The following DNER variants were observed in gnomAD, a reference collection of about 807,000 sequenced individuals.
DNER encodes the protein delta and Notch-like epidermal growth factor-related receptor.
In DNER, 33 loss-of-function variants were observed where a neutral mutation model predicts 78.2. That is an observed-to-expected ratio of 0.42 (90% CI 0.32 to 0.56). The LOEUF is 0.56. DNER is among the 20% of genes least tolerant of loss of function. The pLI, the probability that DNER is intolerant of heterozygous loss-of-function variation, is 0.11. For missense variants in DNER, 918 were observed against 975.3 expected, an observed-to-expected ratio of 0.94 and a Z score of 0.78; for synonymous variants, 417 against 384.8, an observed-to-expected ratio of 1.08 and a Z score of -0.98.
At chr2:229,642,312 T>C (rs536769465) in intron 1 of DNER, among the ~76,000 whole-genome samples, 2 of 152,298 alleles carry the variant, frequency 1.3e-5, no homozygotes, top group South Asian at 4.1e-4. Flanking sequence ...ACAATTCACC[T>C]GAGGAAATGC....
chr2:229,423,426 T>A (rs760523247), intron 8 of DNER, among the ~76,000 whole-genome samples: 13 of 151,800 alleles, frequency 8.6e-5, no homozygotes, highest in Non-Finnish European at 1.6e-4. Flanking sequence ...ACCAGCCTGA[T>A]CAACATGGTG....
chr2:229,379,793 C>G (rs920578013), intron 11 of DNER, among the ~76,000 whole-genome samples: 1 of 152,148 alleles, frequency 6.6e-6, no homozygotes, highest in Non-Finnish European at 1.5e-5. Context: ...TCCTGCTGAC[C>G]CAAGTCTGGA....
intron 5 of DNER, among the ~76,000 whole-genome samples, chr2:229,537,814 A>G (rs886536542): frequency 5.9e-5 from 9 of 152,182 alleles, no homozygotes; most frequent in African/African-American, 2.2e-4. Flanking sequence ...TGTGCAGGTT[A>G]GTTACATATG....
intron 1 of DNER, among the ~76,000 whole-genome samples, chr2:229,711,837 T>G (rs1699917363): frequency 6.6e-6 from 1 of 152,178 alleles, no homozygotes; most frequent in South Asian, 2.1e-4. Context: ...AGTTTCTCTC[T>G]CCCTCTCTCC....
At chr2:229,684,698 C>T (rs1457257305) in intron 1 of DNER, among the ~76,000 whole-genome samples, 2 of 152,160 alleles carry the variant, frequency 1.3e-5, no homozygotes, top group African/African-American at 4.8e-5. Context: ...ATTTACCACT[C>T]ATCCAGTGAG....
chr2:229,449,279 A>G lies in DNER; in HGVS notation c.1262-1739T>C, dbSNP rs1694402776. The stretch of plus-strand genomic sequence containing the variant: ...ATACTTAAACATTTTTCAACATATG[A>G]CAGTACTATATGTTACCGTCACTAT... On this transcript the variant is annotated intron_variant, in intron 7 of 12. Transcript: ENST00000341772. Among the ~76,000 whole-genome samples, 3 of 152,342 alleles carry G rather than the reference A, an allele frequency of 2.0e-5. No homozygotes were observed. The South Asian group carries it at 6.2e-4, about 32-fold the overall frequency.
chr2:229,655,619 T>C lies in DNER; in HGVS notation c.276+58529A>G, dbSNP rs149606456. On this transcript the variant is annotated intron_variant, in intron 1 of 12. Transcript: ENST00000341772. Reference sequence around the variant, plus strand: ...TACATAAAAGAAACTAAGAGATGTATTAAGAGTAGACTGAACGGTGACCAC... The same window carrying C: ...TACATAAAAGAAACTAAGAGATGTACTAAGAGTAGACTGAACGGTGACCAC... Among the ~76,000 whole-genome samples the C allele has an allele frequency of 9.9e-5, 15 of 152,228 alleles. No homozygotes were observed. In the East Asian group the frequency reaches 2.1e-3, roughly 22 times the overall value.
chr2:229,398,124 C>T (rs568817911), intron 10 of DNER, among the ~76,000 whole-genome samples: 1 of 151,862 alleles, frequency 6.6e-6, no homozygotes, highest in Non-Finnish European at 1.5e-5. Flanking sequence ...AAAACTCTAG[C>T]AAGATTGACA....
chr2:229,701,584 T>C (rs1402970017), intron 1 of DNER, among the ~76,000 whole-genome samples: 1 of 152,250 alleles, frequency 6.6e-6, no homozygotes, highest in African/African-American at 2.4e-5. Flanking sequence ...AGAAGTCCCA[T>C]GTATTCAACC....
chr2:229,532,036 G>T (rs116062494), intron 5 of DNER, among the ~76,000 whole-genome samples: 1,852 of 152,248 alleles, frequency 0.012, 42 homozygotes, highest in African/African-American at 0.042. Context: ...TGAATATGAG[G>T]CTTTATTTTG....
At chr2:229,595,284 A>ATTT (rs11389038) in intron 1 of DNER, among the ~76,000 whole-genome samples, 3 of 145,714 alleles carry the variant, frequency 2.1e-5, no homozygotes, top group African/African-American at 5.0e-5. Context: ...GTATTCACTA[A>ATTT]TTTTTTTTTT....
chr2:229,625,951 G>A (rs964194525), intron 1 of DNER, among the ~76,000 whole-genome samples: 4 of 151,226 alleles, frequency 2.6e-5, no homozygotes, highest in Non-Finnish European at 2.9e-5. Context: ...ATGGAGTCTC[G>A]CTCTTTTGCC....
chr2:229,407,349 C>A lies in DNER; in HGVS notation c.1610-4G>T, dbSNP rs1192959662. The A allele has an allele frequency of 1.2e-6, 2 of 1,611,112 alleles. No homozygotes were observed. On this transcript the variant is annotated splice_region_variant and splice_polypyrimidine_tract_variant and intron_variant, in intron 9 of 12. Coordinates refer to ENST00000341772, the MANE Select transcript of DNER (RefSeq NM_139072.4). ...TTGTACAATTCACAGTGTGTTCCTG[C>A]AGAGAAACAAGCAAAACAGGATGAC... is the stretch of plus-strand genomic sequence containing the variant.
At chr2:229,443,735 C>A (rs1371419565) in intron 8 of DNER, among the ~76,000 whole-genome samples, 1 of 152,190 alleles carries the variant, frequency 6.6e-6, no homozygotes, top group Non-Finnish European at 1.5e-5. Context: ...ATCAGCCTTG[C>A]TGCTCCATAG....
At chr2:229,681,834 A>G (rs980657335) in intron 1 of DNER, among the ~76,000 whole-genome samples, 7 of 149,858 alleles carry the variant, frequency 4.7e-5, no homozygotes, top group Non-Finnish European at 1.0e-4. Flanking sequence ...TAAAACACAC[A>G]CACACACACA....
At chr2:229,432,978 C>T (rs896913765) in intron 8 of DNER, among the ~76,000 whole-genome samples, 1 of 152,080 alleles carries the variant, frequency 6.6e-6, no homozygotes, top group African/African-American at 2.4e-5. Flanking sequence ...TTCACTCTGT[C>T]GCCCAGGCTG....
At chr2:229,404,644 G>C (rs1693341753) in intron 10 of DNER, among the ~76,000 whole-genome samples, 1 of 152,172 alleles carries the variant, frequency 6.6e-6, no homozygotes, top group African/African-American at 2.4e-5. Flanking sequence ...TGATGAGCTA[G>C]CAGATATTTA....
chr2:229,390,745 G>A (rs1692996400), intron 10 of DNER, among the ~76,000 whole-genome samples: 1 of 152,208 alleles, frequency 6.6e-6, no homozygotes, highest in Admixed American at 6.5e-5. Context: ...TAAACCCTAT[G>A]CCAGTCAGGG....
chr2:229,591,838 G>A lies in DNER; in HGVS notation c.327C>T (p.Ser109=). The change falls in exon 2 of 13, where the codon AGC becomes AGT. Residue 109 remains serine (S), a synonymous_variant. Coordinates refer to ENST00000341772, the MANE Select transcript of DNER (RefSeq NM_139072.4). This position sits in a 1 kb window ranked among gnomAD's most constrained non-coding sequence, Gnocchi z 4.6. ...CATCGCTGCTGCTGCTGCTGCTGCT[G>A]CTGCAGTTGCCATGGTGACAAGGGT... ...ASNPCHHGNC[S]SSSSSSSDGY... 6.2e-7 allele frequency: 1 copy of A among 1,610,844 alleles called. No individual in the cohort carries two copies. The highest frequency in any genetic ancestry group is 8.5e-7 in the Non-Finnish European group (1 of 1,178,578).
Sources: allele counts gnomAD v4.1 joint callset (sites outside exome capture counted in the v4.1 genomes callset), GRCh38; gene constraint gnomAD v4.1.1; non-coding constraint Gnocchi (gnomAD v3.1); transcripts MANE v1.5; gene names NCBI Gene and HGNC (gene_info 2026-07-23, HGNC 2026-07-21).